The following HAPLN1 variants were observed in gnomAD, a reference collection of about 807,000 sequenced individuals.
HAPLN1 encodes the protein Cartilage link protein.
Under a neutral mutation model 36.5 loss-of-function variants are expected in HAPLN1, and 13 were observed. The observed-to-expected ratio is 0.36, with a 90% CI of 0.23 to 0.57. HAPLN1 has a LOEUF of 0.57. HAPLN1 is among the 20% of genes least tolerant of loss of function. HAPLN1 has a pLI of 0.83. For synonymous variants in HAPLN1, 202 were observed against 169.8 expected, an observed-to-expected ratio of 1.19 and a Z score of -1.48; for missense variants, 407 against 439.7, an observed-to-expected ratio of 0.93 and a Z score of 0.66.
intron 1 of HAPLN1, among the ~76,000 whole-genome samples, chr5:83,715,588 C>T (rs1175853381): frequency 6.6e-6 from 1 of 152,174 alleles, no homozygotes; most frequent in Non-Finnish European, 1.5e-5. Context: ...CTAAATCATT[C>T]TTGCTTAATC....
intron 1 of HAPLN1, among the ~76,000 whole-genome samples, chr5:83,707,399 G>C (rs1265204485): frequency 2.6e-5 from 4 of 152,064 alleles, no homozygotes; most frequent in African/African-American, 7.2e-5. Flanking sequence ...TAGTGCAATG[G>C]AACAGAATAG....
intron 1 of HAPLN1, among the ~76,000 whole-genome samples, chr5:83,696,789 A>C (rs890940343): frequency 3.9e-5 from 6 of 152,136 alleles, no homozygotes; most frequent in African/African-American, 1.4e-4. Context: ...ACATAAAAAA[A>C]TTTTGTCCAT....
intron 3 of HAPLN1, among the ~76,000 whole-genome samples, chr5:83,648,730 A>T: frequency 6.6e-6 from 1 of 151,986 alleles, no homozygotes; most frequent in East Asian, 1.9e-4. Flanking sequence ...ACTGACAGGG[A>T]GTTTGAGTAC....
intron 2 of HAPLN1, among the ~76,000 whole-genome samples, chr5:83,668,452 C>A (rs970144480): frequency 6.6e-6 from 1 of 152,156 alleles, no homozygotes; most frequent in Non-Finnish European, 1.5e-5. Flanking sequence ...CTTCTTCATT[C>A]GCGAATTGGA....
chr5:83,670,951 C>A (rs1750700755), intron 2 of HAPLN1, among the ~76,000 whole-genome samples: 1 of 152,126 alleles, frequency 6.6e-6, no homozygotes, highest in Admixed American at 6.5e-5. Flanking sequence ...CCTCGGCCTC[C>A]CAAAGTGCTG....
At chr5:83,713,952 C>T (rs908410966) in intron 1 of HAPLN1, among the ~76,000 whole-genome samples, 15 of 152,122 alleles carry the variant, frequency 9.9e-5, no homozygotes, top group Non-Finnish European at 2.1e-4. Context: ...TTATCATTTA[C>T]ATCTTAAAAG....
intron 2 of HAPLN1, among the ~76,000 whole-genome samples, chr5:83,661,367 G>C (rs1404366562): frequency 6.7e-6 from 1 of 149,716 alleles, no homozygotes; most frequent in East Asian, 1.9e-4. Context: ...TATATTTGCA[G>C]TTGCCATCCA....
chr5:83,673,831 C>A, intron 1 of HAPLN1: 1 of 273,450 alleles, frequency 3.7e-6, no homozygotes, highest in Non-Finnish European at 6.8e-6. Flanking sequence ...TAGAGAATTA[C>A]AGCAAGTAAC....
At chr5:83,681,795 T>A (rs541263878) in intron 1 of HAPLN1, among the ~76,000 whole-genome samples, 1 of 152,314 alleles carries the variant, frequency 6.6e-6, no homozygotes, top group East Asian at 1.9e-4. Context: ...TAAGAATTTT[T>A]AGGAAATTCA....
intron 2 of HAPLN1, among the ~76,000 whole-genome samples, chr5:83,666,953 T>C (rs1750567180): frequency 6.6e-6 from 1 of 152,160 alleles, no homozygotes; most frequent in African/African-American, 2.4e-5. Context: ...CTAGCAATTA[T>C]GCCTACTGAC....
intron 2 of HAPLN1, among the ~76,000 whole-genome samples, chr5:83,666,026 T>C (rs1319796534): frequency 1.3e-5 from 2 of 152,228 alleles, no homozygotes; most frequent in African/African-American, 4.8e-5. Flanking sequence ...AATAATTTCC[T>C]ATGTTTTTAA....
intron 1 of HAPLN1, among the ~76,000 whole-genome samples, chr5:83,690,813 C>T (rs1190682265): frequency 1.3e-5 from 2 of 151,982 alleles, no homozygotes; most frequent in African/African-American, 4.8e-5. Context: ...ATTACCAAAT[C>T]TAGTCCTTTA....
Position 83,701,904 on chromosome 5 carries a change from C to T in HAPLN1, c.-27+18885G>A, listed in dbSNP as rs376403991. Among the ~76,000 whole-genome samples, 73 of 149,660 alleles carry T rather than the reference C, an allele frequency of 4.9e-4. 1 individual carries two copies. In the South Asian group the frequency reaches 0.012, roughly 24 times the overall value. On this transcript the variant is annotated intron_variant, in intron 1 of 4. Coordinates refer to ENST00000274341, the MANE Select transcript of HAPLN1 (RefSeq NM_001884.4). ...TCGCTCCACTGCTCTCCACCTTGGG[C>T]GACAGAGCGAGACTTCGACAAAAAC... is the stretch of plus-strand genomic sequence containing the variant.
rs1749632170 is a variant in HAPLN1 at position 83,639,928 on chromosome 5, A to G, written c.*1568T>C. On this transcript the variant is annotated 3_prime_UTR_variant, in exon 5 of 5. Coordinates refer to ENST00000274341, the MANE Select transcript of HAPLN1 (RefSeq NM_001884.4). ...CAATTGTTCTATACCTTCCACACAC[A>G]GAACTCTATAGAGTAAATTTATTAG... 1 of 152,128 alleles carries G rather than the reference A, an allele frequency of 6.6e-6. No homozygotes were observed. Among genetic ancestry groups the G allele is most frequent in the South Asian group, 2.1e-4 (1 of 4,836 alleles). The allele number at this position is 152,128 out of a possible 1,614,324, so 9.4% of individuals were successfully genotyped here. A position where few individuals can be genotyped will look rare whatever the true frequency, so the allele number is the denominator to read the frequency against.
chr5:83,681,500 TTTAA>T (rs532759434), intron 1 of HAPLN1, among the ~76,000 whole-genome samples: 2 of 152,114 alleles, frequency 1.3e-5, no homozygotes, highest in Admixed American at 6.6e-5. Context: ...ATCATTTTAT[TTTAA>T]TTAATTAATT....
chr5:83,679,467 A>G (rs1036837958), intron 1 of HAPLN1, among the ~76,000 whole-genome samples: 2 of 151,588 alleles, frequency 1.3e-5, no homozygotes, highest in African/African-American at 4.8e-5. Flanking sequence ...TCTCTTTCTA[A>G]CCTTTCTCTG....
At chr5:83,718,673 T>C (rs552005147) in intron 1 of HAPLN1, among the ~76,000 whole-genome samples, 1 of 152,342 alleles carries the variant, frequency 6.6e-6, no homozygotes, top group African/African-American at 2.4e-5. Flanking sequence ...CTATGGTTAC[T>C]ACTCATGGCT....
At chr5:83,662,571 TAC>T (rs1750434695) in intron 2 of HAPLN1, among the ~76,000 whole-genome samples, 1 of 152,246 alleles carries the variant, frequency 6.6e-6, no homozygotes, top group African/African-American at 2.4e-5. Flanking sequence ...TAGAATATTT[TAC>T]TAATATGTTG....
rs371846976 is a variant in HAPLN1, at chr5:83,715,046, A to G, written c.-27+5743T>C. 2.6e-5 allele frequency among the ~76,000 whole-genome samples: 4 copies of G among 152,350 alleles called. No homozygotes were observed. In the East Asian group the frequency reaches 5.8e-4, roughly 22 times the overall value. ...GTCCTTCACATTTCTGGAAGGAAAC[A>G]GGCCTTGAGGGAATCCATCTGTTCT... On this transcript the variant is annotated intron_variant, in intron 1 of 4. Transcript: ENST00000274341.
Sources: allele counts gnomAD v4.1 joint callset (sites outside exome capture counted in the v4.1 genomes callset), GRCh38; gene constraint gnomAD v4.1.1; transcripts MANE v1.5; gene names NCBI Gene and HGNC (gene_info 2026-07-23, HGNC 2026-07-21).